The following TNIP1 variants were observed in gnomAD, a reference collection of about 807,000 sequenced individuals.
TNIP1 encodes TNFAIP3 interacting protein 1.
TNIP1 carries 22 observed loss-of-function variants against 86.6 expected under a neutral mutation model. The ratio of observed to expected loss-of-function variants is 0.25; its 90% CI spans 0.18 to 0.36. TNIP1 has a LOEUF of 0.36. Ranked by LOEUF, TNIP1 falls within the 10% of genes least tolerant of loss-of-function variation. The probability of loss-of-function intolerance (pLI) is 1.00; values close to 1 mark genes in which losing one functional copy is unlikely to be tolerated. For synonymous variants in TNIP1, 294 were observed against 313.0 expected (o/e 0.94, Z 0.64); for missense variants, 709 against 820.6 (o/e 0.86, Z 1.66).
At chr5:151,068,369 G>A (rs1762477841) in intron 1 of TNIP1, among the ~76,000 whole-genome samples, 2 of 152,170 alleles carry the variant, frequency 1.3e-5, no homozygotes, top group South Asian at 2.1e-4. Context: ...TCATTCTCAG[G>A]ATGACAGAGC....
chr5:151,063,713 G>C lies in TNIP1; in HGVS notation c.171C>G (p.Thr57=). 1 of 1,614,088 alleles carries C rather than the reference G, an allele frequency of 6.2e-7. No homozygotes were observed. Among genetic ancestry groups the C allele is most frequent in the Non-Finnish European group, 8.5e-7 (1 of 1,179,986 alleles). ...ELLEESQMEA[T]RLRQKAEELV... ...GCTCCTCTGCCTTCTGCCGGAGCCT[G>C]GTCGCTTCCATCTGGGACTCTTCCA... Residue 57 remains threonine (T), a synonymous_variant, in exon 3 of 18, where the codon ACC becomes ACG. Coordinates refer to ENST00000521591, the MANE Select transcript of TNIP1 (RefSeq NM_006058.5).
intron 2 of TNIP1, 24 bp downstream of exon 2, chr5:151,064,936 G>A (rs997681550): frequency 1.2e-6 from 2 of 1,613,602 alleles, no homozygotes; most frequent in Non-Finnish European, 1.7e-6. Context: ...GGCGCTCGCA[G>A]GGAGGGGACA....
intron 1 of TNIP1, among the ~76,000 whole-genome samples, chr5:151,071,197 A>G (rs1762789486): frequency 6.6e-6 from 1 of 152,188 alleles, no homozygotes; most frequent in Non-Finnish European, 1.5e-5. Context: ...CACAGCACAT[A>G]CTTGAGACAG....
At chr5:151,049,020 A>T (rs1426339275) in intron 8 of TNIP1, among the ~76,000 whole-genome samples, 2 of 152,200 alleles carry the variant, frequency 1.3e-5, no homozygotes, top group African/African-American at 4.8e-5. Flanking sequence ...GGCCCAAATA[A>T]GAAAATAGAT....
Position 151,034,954 on chromosome 5 carries a change from G to C in TNIP1, c.1587+48C>G, listed in dbSNP as rs748729576. ...TGCATCCATCAGGCTAGCTCCATGAGGAAGGTAAGAGGATGTCAGTGCTGC... is the reference window on the plus strand; with the variant it reads ...TGCATCCATCAGGCTAGCTCCATGACGAAGGTAAGAGGATGTCAGTGCTGC... On this transcript the variant is annotated intron_variant, in intron 15 of 17. Transcript: ENST00000521591. 6 of 1,606,842 alleles carry C rather than the reference G, an allele frequency of 3.7e-6. No homozygotes were observed. The Middle Eastern group carries it at 6.6e-4, about 178-fold the overall frequency.
chr5:151,053,101 CT>C (rs11390788), intron 6 of TNIP1, among the ~76,000 whole-genome samples: 45,589 of 85,078 alleles, frequency 0.54, 12,274 homozygotes, highest in East Asian at 0.76. Context: ...AACTGTTTCT[CT>C]TTTTTTTTTT....
chr5:151,036,684 G>A, intron 13 of TNIP1, 106 bp downstream of exon 13: 2 of 1,555,374 alleles, frequency 1.3e-6, no homozygotes, highest in South Asian at 2.3e-5. Flanking sequence ...GCCAGAAAGT[G>A]GATTACTAAT....
At chr5:151,052,308 C>G in intron 6 of TNIP1, 49 bp from the exon 7 acceptor site, 1 of 1,509,002 alleles carries the variant, frequency 6.6e-7, no homozygotes, top group Non-Finnish European at 9.1e-7. Flanking sequence ...GGGCCCCTCC[C>G]AGGTGCAGGC....
chr5:151,070,280 G>T (rs1037222046), intron 1 of TNIP1, among the ~76,000 whole-genome samples: 1 of 152,200 alleles, frequency 6.6e-6, no homozygotes, highest in Non-Finnish European at 1.5e-5. Context: ...TTTATAATAA[G>T]ATTTCCAAAA....
intron 3 of TNIP1, among the ~76,000 whole-genome samples, chr5:151,063,291 T>A (rs1227229828): frequency 6.6e-6 from 1 of 152,182 alleles, no homozygotes; most frequent in Non-Finnish European, 1.5e-5. Context: ...ACACAGTAGC[T>A]GCTCATTAAA....
chr5:151,085,693 T>C (rs1764249955), upstream of TNIP1, among the ~76,000 whole-genome samples: 1 of 151,466 alleles, frequency 6.6e-6, no homozygotes, highest in Non-Finnish European at 1.5e-5. Context: ...CCAGCGTCTC[T>C]CCCCCTGGCC....
intron 1 of TNIP1, among the ~76,000 whole-genome samples, chr5:151,077,429 C>T (rs764188796): frequency 2.0e-5 from 3 of 152,212 alleles, no homozygotes; most frequent in Non-Finnish European, 2.9e-5. Context: ...GCATCATTAA[C>T]GATAATAGCA....
intron 6 of TNIP1, among the ~76,000 whole-genome samples, chr5:151,056,067 C>G (rs946297035): frequency 1.2e-4 from 19 of 152,228 alleles, no homozygotes; most frequent in African/African-American, 4.3e-4. Flanking sequence ...ATGCAGCAAT[C>G]TAACCATGGA....
chr5:151,032,208 AC>A, intron 17 of TNIP1, 78 bp downstream of exon 17: 1 of 1,265,232 alleles, frequency 7.9e-7, no homozygotes, highest in Non-Finnish European at 1.1e-6. Context: ...TAACGACATC[AC>A]CCCCAAACTC....
chr5:151,043,085 C>G (rs1437844537), intron 9 of TNIP1, 124 bp from the exon 10 acceptor site: 2 of 945,356 alleles, frequency 2.1e-6, no homozygotes, highest in Non-Finnish European at 3.4e-6. Flanking sequence ...GCTACAGACA[C>G]TGTCTCCATC....
At chr5:151,035,321 A>C (rs899476658) in intron 14 of TNIP1, among the ~76,000 whole-genome samples, 3 of 152,204 alleles carry the variant, frequency 2.0e-5, no homozygotes, top group Non-Finnish European at 2.9e-5. Context: ...CTCTGCTAAC[A>C]TCTTTTAGTT....
At chr5:151,080,308 T>C (rs1763858847) in intron 1 of TNIP1, 1 of 152,246 alleles carries the variant, frequency 6.6e-6, no homozygotes, top group South Asian at 2.1e-4. Context: ...AGTTCATATC[T>C]GACTTTGCAA....
At position 151,055,018 on chromosome 5, in the gene TNIP1, G is replaced by A. The variant is rs567441083; in HGVS notation, c.627+1748C>T. 4.6e-5 allele frequency among the ~76,000 whole-genome samples: 7 copies of A among 152,296 alleles called. No homozygotes were observed. The South Asian group carries it at 6.2e-4, about 14-fold the overall frequency. On this transcript the variant is annotated intron_variant, in intron 6 of 17. Coordinates refer to ENST00000521591, the MANE Select transcript of TNIP1 (RefSeq NM_006058.5). ...TGGGCCAATGCCCTGGGTGCAAACC[G>A]GCCAATGGATAGAATCATCAGAGGT...
chr5:151,064,323 A>C (rs1761969651), intron 2 of TNIP1, among the ~76,000 whole-genome samples: 1 of 152,220 alleles, frequency 6.6e-6, no homozygotes, highest in East Asian at 1.9e-4. Flanking sequence ...AGACTAGAGA[A>C]GGGCACGGCA....
Sources: allele counts gnomAD v4.1 joint callset (sites outside exome capture counted in the v4.1 genomes callset), GRCh38; gene constraint gnomAD v4.1.1; transcripts MANE v1.5; gene names NCBI Gene and HGNC (gene_info 2026-07-23, HGNC 2026-07-21).